The following ODAD2 variants were observed in gnomAD, a reference collection of about 807,000 sequenced individuals.
The protein encoded by ODAD2 is outer dynein arm-docking complex subunit 2.
ODAD2 carries 89 observed loss-of-function variants against 106.8 expected under a neutral mutation model. The observed-to-expected ratio is 0.83, with a 90% confidence interval of 0.70 to 0.99. The LOEUF is 0.99. Ranked by LOEUF, ODAD2 falls within the 50% of genes least tolerant of loss-of-function variation. The pLI is 0.00. For missense variants in ODAD2, 1,168 were observed against 1,238.5 expected (o/e 0.94, Z 0.85); for synonymous variants, 404 against 436.2 (o/e 0.93, Z 0.92).
chr10:27,889,776 C>T (rs139906731), intron 17 of ODAD2, among the ~76,000 whole-genome samples: 239 of 152,244 alleles, frequency 1.6e-3, no homozygotes, highest in Non-Finnish European at 2.0e-3. Context: ...TAAGCAGCCC[C>T]GTGACCTCAG....
At chr10:27,983,709 A>G in intron 6 of ODAD2, 134 bp downstream of exon 6, 1 of 852,862 alleles carries the variant, frequency 1.2e-6, no homozygotes, top group Admixed American at 3.2e-5. Context: ...CAGCAAGCAT[A>G]TATCAAAGGA....
chr10:27,932,405 A>G (rs1187353781), intron 16 of ODAD2, among the ~76,000 whole-genome samples: 3 of 152,208 alleles, frequency 2.0e-5, no homozygotes, highest in Non-Finnish European at 4.4e-5. Flanking sequence ...AATATTAAAA[A>G]TTTCTAAGTT....
At chr10:27,814,460 T>G (rs1408792090) in intron 19 of ODAD2, among the ~76,000 whole-genome samples, 2 of 152,240 alleles carry the variant, frequency 1.3e-5, no homozygotes, top group African/African-American at 4.8e-5. Flanking sequence ...GAAGGATGTC[T>G]GCCCTCTCAG....
intron 19 of ODAD2, among the ~76,000 whole-genome samples, chr10:27,855,933 A>G (rs1403288810): frequency 6.6e-6 from 1 of 152,140 alleles, no homozygotes; most frequent in East Asian, 1.9e-4. Flanking sequence ...ATCCAATGAC[A>G]CCATGGGGAA....
At chr10:27,953,716 A>G (rs1460795135) in intron 10 of ODAD2, among the ~76,000 whole-genome samples, 4 of 152,228 alleles carry the variant, frequency 2.6e-5, no homozygotes, top group Non-Finnish European at 4.4e-5. Flanking sequence ...ATGTATATAA[A>G]TTATATATGT....
intron 16 of ODAD2, among the ~76,000 whole-genome samples, chr10:27,916,606 G>T (rs1844394021): frequency 6.6e-6 from 1 of 152,044 alleles, no homozygotes; most frequent in Non-Finnish European, 1.5e-5. Flanking sequence ...TCAACGTGAA[G>T]ATGACCAAGA....
At chr10:27,970,138 A>AAATAAATG (rs1165673235) in intron 8 of ODAD2, among the ~76,000 whole-genome samples, 1 of 139,028 alleles carries the variant, frequency 7.2e-6, no homozygotes, top group Admixed American at 7.1e-5. Context: ...ATAAATAAAT[A>AAATAAATG]AATAAATAAA....
intron 17 of ODAD2, among the ~76,000 whole-genome samples, chr10:27,875,568 T>C (rs948443145): frequency 1.3e-5 from 2 of 152,146 alleles, no homozygotes; most frequent in Admixed American, 6.5e-5. Context: ...GTTTTGGTGG[T>C]TCCAAGATGG....
intron 19 of ODAD2, among the ~76,000 whole-genome samples, chr10:27,854,144 T>C (rs1839488624): frequency 6.6e-6 from 1 of 152,172 alleles, no homozygotes; most frequent in South Asian, 2.1e-4. Flanking sequence ...TCATTAATCA[T>C]TAGAAAAATT....
intron 17 of ODAD2, among the ~76,000 whole-genome samples, chr10:27,880,545 T>C (rs1841633942): frequency 6.6e-6 from 1 of 152,172 alleles, no homozygotes; most frequent in Non-Finnish European, 1.5e-5. Flanking sequence ...GCCTATGTAG[T>C]AATATTAAGA....
chr10:27,902,924 G>C (rs1384316007), intron 17 of ODAD2, among the ~76,000 whole-genome samples: 1 of 152,106 alleles, frequency 6.6e-6, no homozygotes, highest in Non-Finnish European at 1.5e-5. Flanking sequence ...CAGAAAAAGA[G>C]GGACTCCTCC....
At chr10:27,879,003 C>A (rs958928858) in intron 17 of ODAD2, among the ~76,000 whole-genome samples, 7 of 152,010 alleles carry the variant, frequency 4.6e-5, no homozygotes, top group African/African-American at 1.5e-4. Flanking sequence ...ATGATACAAT[C>A]GTTATAGTCT....
chr10:27,994,952 G>A lies in ODAD2; in HGVS notation c.191C>T (p.Ala64Val), dbSNP rs866229398. The change falls in exon 2 of 20, where the codon GCG becomes GTG. Residue 64 changes from alanine to valine, a missense_variant. Physicochemically the swap from Ala to Val is moderately conservative, Grantham distance 64. Transcript: ENST00000305242. ...VEPLEWNTSLAPSAFESGYVV... is the reference protein window; with the variant it reads ...VEPLEWNTSLVPSAFESGYVV... ...ATAACCTGATTCAAATGCTGAGGGCGCCAAACTTGTGTTCCATTCAAGTGG... is the reference window on the plus strand; with the variant it reads ...ATAACCTGATTCAAATGCTGAGGGCACCAAACTTGTGTTCCATTCAAGTGG... 8 of 1,613,994 alleles carry A rather than the reference G, an allele frequency of 5.0e-6. No individual in the cohort carries two copies. The highest frequency in any genetic ancestry group is 2.7e-5 in the African/African-American group (2 of 74,900).
chr10:27,935,255 A>G lies in ODAD2; in HGVS notation c.2253-3T>C. The stretch of plus-strand genomic sequence containing the variant: ...CAATGGCTTTGTATTCCCGAAACCT[A>G]AGTTCATCATAAGAAAGAGGAGAAT... On this transcript the variant is annotated splice_polypyrimidine_tract_variant and splice_region_variant and intron_variant, in intron 15 of 19. Coordinates refer to ENST00000305242, the MANE Select transcript of ODAD2 (RefSeq NM_018076.5). The G allele has an allele frequency of 6.2e-7, 1 of 1,613,386 alleles. No individual in the cohort carries two copies. Among genetic ancestry groups the G allele is most frequent in the Non-Finnish European group, 8.5e-7 (1 of 1,179,470 alleles).
rs185955876 is a variant in ODAD2, at chr10:27,838,958, A to G, written c.3021+21667T>C. 7.1e-4 allele frequency among the ~76,000 whole-genome samples: 108 copies of G among 152,314 alleles called. 1 individual carries two copies. Among genetic ancestry groups the G allele is most frequent in the African/African-American group, 2.3e-3 (95 of 41,572 alleles). On this transcript the variant is annotated intron_variant, in intron 19 of 19. Transcript: ENST00000305242. ...CTTTGAAACCAAAAGATGCTTCAAC[A>G]TGTGCCAGCATCATCTTATGCCAAT...
chr10:27,813,460 A>G (rs1238435561), intron 19 of ODAD2: 2 of 152,252 alleles, frequency 1.3e-5, no homozygotes, highest in Non-Finnish European at 2.9e-5. Context: ...AACGTACAGT[A>G]TCTAATGCAT....
intron 17 of ODAD2, among the ~76,000 whole-genome samples, chr10:27,875,127 T>C (rs1381333543): frequency 7.9e-5 from 12 of 152,354 alleles, no homozygotes; most frequent in East Asian, 1.9e-4. Flanking sequence ...ACTGATACCC[T>C]TTCTTCCAGT....
chr10:27,816,314 A>G (rs1038746725), intron 19 of ODAD2, among the ~76,000 whole-genome samples: 1 of 152,210 alleles, frequency 6.6e-6, no homozygotes, highest in African/African-American at 2.4e-5. Flanking sequence ...AGACAGGATC[A>G]ATCTTCTGAG....
intron 17 of ODAD2, among the ~76,000 whole-genome samples, chr10:27,865,290 C>T (rs1019734117): frequency 1.3e-5 from 2 of 152,164 alleles, no homozygotes; most frequent in African/African-American, 2.4e-5. Context: ...GTGAGGTCCA[C>T]TAAAATATTT....
Sources: allele counts gnomAD v4.1 joint callset (sites outside exome capture counted in the v4.1 genomes callset), GRCh38; gene constraint gnomAD v4.1.1; transcripts MANE v1.5; gene names NCBI Gene and HGNC (gene_info 2026-07-23, HGNC 2026-07-21).